The following SEMA6D variants were observed in gnomAD, a reference collection of about 807,000 sequenced individuals.
SEMA6D encodes semaphorin-6D.
Under a neutral mutation model 106.6 loss-of-function variants are expected in SEMA6D, and 35 were observed. The observed-to-expected ratio is 0.33, with a 90% CI of 0.25 to 0.44. The LOEUF is 0.44. Ranked by LOEUF, SEMA6D falls within the 20% of genes least tolerant of loss-of-function variation. SEMA6D has a pLI of 1.00. For missense variants in SEMA6D, 1,185 were observed against 1,345.9 expected (o/e 0.88, Z 1.87); for synonymous variants, 499 against 487.7 (o/e 1.02, Z -0.31).
chr15:47,532,949 G>C lies in SEMA6D; in HGVS notation c.-87+62404G>C, dbSNP rs572288068. Among the ~76,000 whole-genome samples the C allele has an allele frequency of 2.7e-5, 4 of 146,650 alleles. 1 individual carries two copies. The South Asian group carries it at 8.3e-4, about 30-fold the overall frequency. ...TCAATTTAAGCTTTAAATAAAAATT[G>C]TTTGATGATATTGATGATGATGATC... On this transcript the variant is annotated intron_variant, in intron 3 of 19. Coordinates refer to the SEMA6D transcript ENST00000558014.
intron 2 of SEMA6D, among the ~76,000 whole-genome samples, chr15:47,423,805 C>G (rs281223): frequency 0.59 from 89,504 of 151,514 alleles, 26,729 homozygotes; most frequent in East Asian, 0.73. Context: ...AGGTATGTGT[C>G]TGTGCCTTGG....
In SEMA6D at chr15:47,771,945, T is replaced by G. The variant is rs993344328; in HGVS notation, c.*160T>G. On this transcript the variant is annotated 3_prime_UTR_variant, in exon 19 of 19. Coordinates refer to ENST00000536845, the MANE Select transcript of SEMA6D (RefSeq NM_001358351.3). ...TTTGGCAACATCAGAACTTGCCACA[T>G]GTAGCTACTGCAGCAAGGCTTCTGT... The G allele has an allele frequency of 1.5e-6, 1 of 682,462 alleles. No individual in the cohort carries two copies. Among genetic ancestry groups the G allele is most frequent in the African/African-American group, 1.8e-5 (1 of 55,566 alleles). The allele number at this position is 682,462 out of a possible 1,614,324, so 42.3% of individuals were successfully genotyped here. A position where few individuals can be genotyped will look rare whatever the true frequency, so the allele number is the denominator to read the frequency against.
At chr15:47,259,145 C>T (rs775181750) in intron 1 of SEMA6D, among the ~76,000 whole-genome samples, 3 of 151,956 alleles carry the variant, frequency 2.0e-5, no homozygotes, top group Non-Finnish European at 4.4e-5. Context: ...CATTTTGTTG[C>T]GTGTCAGATG....
At chr15:47,471,099 T>C (rs1596080499) in intron 3 of SEMA6D, among the ~76,000 whole-genome samples, 2 of 152,290 alleles carry the variant, frequency 1.3e-5, no homozygotes, top group African/African-American at 4.8e-5. Flanking sequence ...AGAGAGAGTC[T>C]GTGAGTGGAC....
At chr15:47,753,053 T>C (rs1289186873) in intron 1 of SEMA6D, among the ~76,000 whole-genome samples, 1 of 150,458 alleles carries the variant, frequency 6.6e-6, no homozygotes, top group Non-Finnish European at 1.5e-5. Flanking sequence ...TATTTGGCAA[T>C]GGGAAAGGAG....
chr15:47,375,838 T>A (rs1222616631), intron 1 of SEMA6D, among the ~76,000 whole-genome samples: 1 of 152,204 alleles, frequency 6.6e-6, no homozygotes, highest in Non-Finnish European at 1.5e-5. Flanking sequence ...ACATATACAT[T>A]TATGTTCTAT....
In SEMA6D at chr15:47,315,626, C is replaced by G. The variant is rs571582983; in HGVS notation, c.-238-96767C>G. ...AACTTTATAATTAGTTTGTCAACAT[C>G]TACAAAATAACTTGAAGGGATTTTT... On this transcript the variant is annotated intron_variant, in intron 1 of 19. Transcript: ENST00000558014. 1.3e-4 allele frequency among the ~76,000 whole-genome samples: 20 copies of G among 152,270 alleles called. No individual in the cohort carries two copies. The East Asian group carries it at 3.7e-3, about 28-fold the overall frequency.
intron 1 of SEMA6D, among the ~76,000 whole-genome samples, chr15:47,378,628 G>T (rs1268148623): frequency 6.6e-6 from 1 of 152,118 alleles, no homozygotes; most frequent in Non-Finnish European, 1.5e-5. Context: ...GAATAAATAC[G>T]TTATTTTCCA....
intron 2 of SEMA6D, among the ~76,000 whole-genome samples, chr15:47,468,325 G>C (rs1043951177): frequency 6.6e-6 from 1 of 152,188 alleles, no homozygotes; most frequent in Non-Finnish European, 1.5e-5. Flanking sequence ...AATGGAGACT[G>C]TTTCAACCAC....
chr15:47,602,793 C>T (rs1247186571), intron 4 of SEMA6D, among the ~76,000 whole-genome samples: 3 of 152,144 alleles, frequency 2.0e-5, no homozygotes, highest in Admixed American at 2.0e-4. Flanking sequence ...CCTGCCTTTG[C>T]AGGATGGAAG....
At chr15:47,217,657 ATAGG>A (rs1400527928) in intron 1 of SEMA6D, among the ~76,000 whole-genome samples, 1 of 151,850 alleles carries the variant, frequency 6.6e-6, no homozygotes, top group Non-Finnish European at 1.5e-5. Context: ...AGACAAAATT[ATAGG>A]CAGTGTGAGA....
At chr15:47,240,084 G>A (rs528241882) in intron 1 of SEMA6D, among the ~76,000 whole-genome samples, 7 of 152,174 alleles carry the variant, frequency 4.6e-5, no homozygotes, top group Admixed American at 3.9e-4. Flanking sequence ...CTATACATAT[G>A]GTAATTGGTC....
Position 47,771,238 on chromosome 15 carries a change from A to G in SEMA6D, c.2675A>G (p.Asn892Ser), listed in dbSNP as rs919994674. 5 of 1,613,806 alleles carry G rather than the reference A, an allele frequency of 3.1e-6. No individual in the cohort carries two copies. The highest frequency in any genetic ancestry group is 3.3e-5 in the Admixed American group (2 of 59,992). ...LLKHLNDPNS[N>S]PKAIMGDIQM... The stretch of plus-strand genomic sequence containing the variant: ...AAGCATCTGAATGACCCAAATAGTA[A>G]CCCCAAAGCCATCATGGGAGACATC... The change falls in exon 19 of 19, where the codon AAC (asparagine) becomes AGC (serine). Residue 892 changes from asparagine to serine, a missense_variant. By Grantham distance (46) the Asn-to-Ser change is conservative (BLOSUM62 1). Transcript: ENST00000536845.
chr15:47,314,415 G>A (rs891675110), intron 1 of SEMA6D, among the ~76,000 whole-genome samples: 1 of 150,466 alleles, frequency 6.6e-6, no homozygotes, highest in East Asian at 2.0e-4. Flanking sequence ...TGGCTAAAAC[G>A]GTGAAACCCC....
chr15:47,547,773 T>G (rs1483090493), intron 3 of SEMA6D, among the ~76,000 whole-genome samples: 13 of 152,122 alleles, frequency 8.5e-5, no homozygotes, highest in Admixed American at 8.5e-4. Flanking sequence ...CTTATAAAAA[T>G]GTATGTCTAA....
chr15:47,543,837 A>C (rs2142264060), intron 3 of SEMA6D, among the ~76,000 whole-genome samples: 1 of 152,230 alleles, frequency 6.6e-6, no homozygotes, highest in African/African-American at 2.4e-5. Flanking sequence ...ACTATGCCCA[A>C]GTGGAGAAAA....
chr15:47,588,217 A>G (rs2076377756), intron 3 of SEMA6D, among the ~76,000 whole-genome samples: 3 of 151,992 alleles, frequency 2.0e-5, no homozygotes, highest in Admixed American at 2.0e-4. Flanking sequence ...CTGTCCTCTC[A>G]CTCTCCAAGA....
intron 3 of SEMA6D, among the ~76,000 whole-genome samples, chr15:47,551,056 G>A (rs1387497112): frequency 4.6e-5 from 7 of 152,278 alleles, no homozygotes; most frequent in African/African-American, 1.7e-4. Context: ...GGACAACTCA[G>A]GATATCGATA....
intron 2 of SEMA6D, among the ~76,000 whole-genome samples, chr15:47,467,651 G>C (rs1052921315): frequency 6.6e-6 from 1 of 152,152 alleles, no homozygotes; most frequent in Non-Finnish European, 1.5e-5. Context: ...TGGAAGTGGA[G>C]CTGTTTCTCT....
Sources: gnomAD v4.1 joint callset for allele counts (sites outside exome capture counted in the v4.1 genomes callset) on GRCh38, gnomAD v4.1.1 for gene constraint, MANE v1.5 for transcripts, NCBI Gene and HGNC (gene_info 2026-07-23, HGNC 2026-07-21) for gene names.